The following AGBL4 variants were observed in gnomAD, a reference collection of about 807,000 sequenced individuals.
The protein encoded by AGBL4 is AGBL carboxypeptidase 4.
A neutral mutation model predicts 66.4 loss-of-function variants in AGBL4; 58 were observed. The observed-to-expected ratio is 0.87, with a 90% CI of 0.71 to 1.09. The LOEUF is 1.09. Among genes scored for constraint, AGBL4 ranks in the 50% least tolerant of loss-of-function variants. The pLI is 0.00. For synonymous variants in AGBL4, 234 were observed against 222.9 expected, an observed-to-expected ratio of 1.05 and a Z score of -0.44; for missense variants, 579 against 631.0, an observed-to-expected ratio of 0.92 and a Z score of 0.88.
intron 3 of AGBL4, among the ~76,000 whole-genome samples, chr1:49,259,941 G>C (rs1313409006): frequency 6.2e-4 from 85 of 137,204 alleles, no homozygotes; most frequent in African/African-American, 1.1e-3. Context: ...AAAGAACAGA[G>C]ATTATAACAA....
intron 1 of AGBL4, among the ~76,000 whole-genome samples, chr1:49,943,031 A>T (rs1654909998): frequency 6.6e-6 from 1 of 152,208 alleles, no homozygotes; most frequent in South Asian, 2.1e-4. Context: ...TAAAGAAGTC[A>T]TTCAAATGAC....
intron 6 of AGBL4, among the ~76,000 whole-genome samples, chr1:48,724,318 C>T (rs942047785): frequency 6.6e-6 from 1 of 152,208 alleles, no homozygotes; most frequent in East Asian, 1.9e-4. Context: ...TTGGTAAGTG[C>T]TAGAGTTGGG....
chr1:49,944,164 C>T (rs989771969), intron 1 of AGBL4, among the ~76,000 whole-genome samples: 1 of 151,960 alleles, frequency 6.6e-6, no homozygotes, highest in Non-Finnish European at 1.5e-5. Context: ...GATATAGGGC[C>T]CCACCCACCA....
intron 3 of AGBL4, among the ~76,000 whole-genome samples, chr1:49,563,859 G>T (rs887574760): frequency 2.0e-5 from 3 of 150,976 alleles, no homozygotes. Context: ...TTTTTCTATT[G>T]ATTGGAATAG....
chr1:49,856,718 A>G (rs758724371), intron 1 of AGBL4, among the ~76,000 whole-genome samples: 8 of 152,110 alleles, frequency 5.3e-5, no homozygotes, highest in Non-Finnish European at 1.2e-4. Context: ...TAGCTACAGA[A>G]AGAACATATC....
In AGBL4 at chr1:49,510,316, C is replaced by G. The variant is rs552827204; in HGVS notation, c.282+186997G>C. Among the ~76,000 whole-genome samples, 14 of 151,892 alleles carry G rather than the reference C, an allele frequency of 9.2e-5. No individual in the cohort carries two copies. In the East Asian group the frequency reaches 2.7e-3, roughly 29 times the overall value. On this transcript the variant is annotated intron_variant, in intron 3 of 13. Transcript: ENST00000371839. ...GGTACCTCATTGTGGTTTTGATTTGCATTTCTCTGATGGCCAGTGATGGTG... is the reference window on the plus strand; with the variant it reads ...GGTACCTCATTGTGGTTTTGATTTGGATTTCTCTGATGGCCAGTGATGGTG...
At chr1:48,911,872 C>T (rs1025288328) in intron 5 of AGBL4, among the ~76,000 whole-genome samples, 1 of 152,160 alleles carries the variant, frequency 6.6e-6, no homozygotes, top group African/African-American at 2.4e-5. Context: ...TAGGGTTCTA[C>T]AGCATATTGG....
At chr1:49,998,942 A>G (rs1482869069) in intron 1 of AGBL4, among the ~76,000 whole-genome samples, 1 of 152,126 alleles carries the variant, frequency 6.6e-6, no homozygotes, top group African/African-American at 2.4e-5. Context: ...CTTAGGTAAT[A>G]AAAGCCATCT....
At chr1:49,363,444 C>A (rs1340224116) in intron 3 of AGBL4, among the ~76,000 whole-genome samples, 1 of 152,184 alleles carries the variant, frequency 6.6e-6, no homozygotes, top group African/African-American at 2.4e-5. Context: ...ATTAATGATA[C>A]TTGCACAGAT....
intron 3 of AGBL4, among the ~76,000 whole-genome samples, chr1:49,568,733 G>T (rs1229792588): frequency 1.3e-5 from 2 of 152,122 alleles, no homozygotes; most frequent in African/African-American, 2.4e-5. Context: ...AAAGCTGGAG[G>T]CATCATGCTA....
intron 2 of AGBL4, among the ~76,000 whole-genome samples, chr1:49,823,435 C>T (rs1231998670): frequency 6.6e-6 from 1 of 152,154 alleles, no homozygotes. Flanking sequence ...TATATTAATA[C>T]ACGTTGGTTG....
At chr1:49,867,345 ATT>A (rs1646727730) in intron 1 of AGBL4, among the ~76,000 whole-genome samples, 1 of 149,032 alleles carries the variant, frequency 6.7e-6, no homozygotes, top group South Asian at 2.1e-4. Context: ...ATATATATAT[ATT>A]TGTTTATTAT....
chr1:49,697,500 C>A, intron 2 of AGBL4, 63 bp from the exon 3 acceptor site: 1 of 1,280,448 alleles, frequency 7.8e-7, no homozygotes. Flanking sequence ...ATGGTACACA[C>A]ATTTAAATAT....
chr1:49,149,025 C>T (rs1646275161), intron 4 of AGBL4, among the ~76,000 whole-genome samples: 2 of 152,166 alleles, frequency 1.3e-5, no homozygotes, highest in South Asian at 4.1e-4. Context: ...TGATAGTCCA[C>T]CACTGACCTC....
intron 2 of AGBL4, chr1:49,842,034 G>A: frequency 5.2e-6 from 2 of 387,408 alleles, no homozygotes; most frequent in Non-Finnish European, 9.7e-6. Flanking sequence ...ATATTCACGT[G>A]CAGCCTCCTC....
intron 8 of AGBL4, among the ~76,000 whole-genome samples, chr1:48,648,133 T>C (rs1402997411): frequency 6.6e-6 from 1 of 152,176 alleles, no homozygotes; most frequent in Non-Finnish European, 1.5e-5. Flanking sequence ...ATTCATAATG[T>C]GCTACCAACA....
intron 3 of AGBL4, among the ~76,000 whole-genome samples, chr1:49,610,114 T>A (rs1372071224): frequency 6.6e-6 from 1 of 152,106 alleles, no homozygotes; most frequent in Admixed American, 6.6e-5. Context: ...ATACTGGGCA[T>A]ATAGTGAAGT....
At chr1:49,590,645 A>C (rs1644735204) in intron 3 of AGBL4, among the ~76,000 whole-genome samples, 2 of 152,238 alleles carry the variant, frequency 1.3e-5, no homozygotes, top group African/African-American at 4.8e-5. Flanking sequence ...ATATAGAAAA[A>C]ATATTAAAAC....
At chr1:48,758,341 A>G (rs1433997000) in intron 6 of AGBL4, among the ~76,000 whole-genome samples, 1 of 152,154 alleles carries the variant, frequency 6.6e-6, no homozygotes, top group Non-Finnish European at 1.5e-5. Context: ...GTATTTGCCC[A>G]TGCTCACCAG....
Sources: gnomAD v4.1 joint callset for allele counts (sites outside exome capture counted in the v4.1 genomes callset) on GRCh38, gnomAD v4.1.1 for gene constraint, MANE v1.5 for transcripts, NCBI Gene and HGNC (gene_info 2026-07-23, HGNC 2026-07-21) for gene names.